Variants in MAGI3 observed in about 807,000 individuals in gnomAD.
MAGI3 encodes the protein membrane associated guanylate kinase, WW and PDZ domain containing 3, also known as membrane-associated guanylate kinase, WW and PDZ domain-containing protein 3.
MAGI3 carries 43 observed loss-of-function variants against 121.8 expected under a neutral mutation model. The observed-to-expected ratio is 0.35, with a 90% CI of 0.28 to 0.46. MAGI3 has a LOEUF of 0.46. Ranked by LOEUF, MAGI3 falls within the 20% of genes least tolerant of loss-of-function variation. The pLI, the probability that MAGI3 is intolerant of heterozygous loss-of-function variation, is 1.00. For synonymous variants in MAGI3, 553 were observed against 639.3 expected (o/e 0.86, Z 2.04); for missense variants, 1,547 against 1,797.3 (o/e 0.86, Z 2.52).
At chr1:113,653,139 CCT>C (rs1653266831) in intron 14 of MAGI3, among the ~76,000 whole-genome samples, 1 of 152,190 alleles carries the variant, frequency 6.6e-6, no homozygotes, top group Admixed American at 6.5e-5. Flanking sequence ...GATGCTTTAA[CCT>C]CTAAGACAGA....
chr1:113,402,924 G>A (rs1329328062), intron 1 of MAGI3, among the ~76,000 whole-genome samples: 1 of 152,158 alleles, frequency 6.6e-6, no homozygotes, highest in African/African-American at 2.4e-5. Flanking sequence ...GTAGACTAAT[G>A]GGAATGATGG....
In MAGI3 at chr1:113,658,092, T is replaced by TC. The variant is rs1047967482; in HGVS notation, c.2630-987dup. ...TATGAATTATCCCTATTCAAATCAG[T>TC]CAGTAGTCAGCAGGAGCCCACATAC... is the stretch of plus-strand genomic sequence containing the variant. On this transcript the variant is annotated intron_variant, in intron 15 of 20. Coordinates refer to ENST00000307546, the MANE Select transcript of MAGI3 (RefSeq NM_001142782.2). This position sits in a 1 kb window ranked among gnomAD's most constrained non-coding sequence, Gnocchi z 4.0. Among the ~76,000 whole-genome samples, 3 of 152,312 alleles carry TC rather than the reference T, an allele frequency of 2.0e-5. No homozygotes were observed. In the East Asian group the frequency reaches 5.8e-4, roughly 29 times the overall value.
intron 6 of MAGI3, among the ~76,000 whole-genome samples, chr1:113,611,286 C>T (rs1650118570): frequency 6.6e-6 from 1 of 151,986 alleles, no homozygotes; most frequent in African/African-American, 2.4e-5. Context: ...AGGGGTTTCA[C>T]CATGTTGCTC....
At chr1:113,572,807 G>A (rs1647383192) in intron 2 of MAGI3, among the ~76,000 whole-genome samples, 1 of 151,852 alleles carries the variant, frequency 6.6e-6, no homozygotes, top group Non-Finnish European at 1.5e-5. Context: ...ATTCTGGCTA[G>A]TTGCCTGTTT....
Position 113,605,681 on chromosome 1 carries a change from C to A in MAGI3, c.1019-8920C>A, listed in dbSNP as rs1028016485. ...GTGGCGCAATCTTGGATCACTGCAA[C>A]CTCTGCCTCCTGGGTTCAAGCGATT... On this transcript the variant is annotated intron_variant, in intron 6 of 20. Transcript: ENST00000307546. Among the ~76,000 whole-genome samples the A allele has an allele frequency of 2.0e-5, 3 of 152,102 alleles. No homozygotes were observed. The South Asian group carries it at 6.2e-4, about 32-fold the overall frequency.
intron 1 of MAGI3, among the ~76,000 whole-genome samples, chr1:113,444,728 C>A (rs1387291072): frequency 5.9e-5 from 9 of 152,178 alleles, no homozygotes; most frequent in Non-Finnish European, 1.2e-4. Flanking sequence ...AAGTATGGCT[C>A]ATTCCAAGGA....
chr1:113,635,736 C>T (rs1466149541), intron 9 of MAGI3, among the ~76,000 whole-genome samples: 3 of 152,128 alleles, frequency 2.0e-5, no homozygotes, highest in Non-Finnish European at 4.4e-5. Context: ...TGATGCTGGC[C>T]TCATAAAATG....
chr1:113,424,905 G>A (rs1652919979), intron 1 of MAGI3, among the ~76,000 whole-genome samples: 1 of 152,068 alleles, frequency 6.6e-6, no homozygotes, highest in Non-Finnish European at 1.5e-5. Context: ...GGGCCAAGGT[G>A]GGTGGATCAC....
At chr1:113,460,985 G>T (rs183313604) in intron 1 of MAGI3, among the ~76,000 whole-genome samples, 7 of 152,180 alleles carry the variant, frequency 4.6e-5, no homozygotes, top group Admixed American at 2.0e-4. Flanking sequence ...ATTCCCAGTT[G>T]CCACAAAAAG....
intron 15 of MAGI3, among the ~76,000 whole-genome samples, chr1:113,655,789 A>G (rs375542208): frequency 3.3e-5 from 5 of 152,134 alleles, no homozygotes; most frequent in South Asian, 2.1e-4. Context: ...GATGATAGAG[A>G]CACTCCCTGT....
chr1:113,619,864 T>C (rs781236048), intron 8 of MAGI3, 34 bp downstream of exon 8: 1 of 1,475,114 alleles, frequency 6.8e-7, no homozygotes, highest in South Asian at 1.2e-5. Context: ...CTTCTAAGAA[T>C]AACTTGTGAA....
chr1:113,398,137 T>C (rs1312181588), intron 1 of MAGI3, among the ~76,000 whole-genome samples: 5 of 152,094 alleles, frequency 3.3e-5, no homozygotes, highest in Admixed American at 2.6e-4. Flanking sequence ...CATCCCAACA[T>C]GGCCAGGGGA....
At chr1:113,450,102 G>T (rs750915664) in intron 1 of MAGI3, 27 of 1,464,416 alleles carry the variant, frequency 1.8e-5, no homozygotes, top group Non-Finnish European at 2.5e-5. Context: ...AACCATAGAA[G>T]TTACGGAAGA....
At chr1:113,634,555 C>T (rs1271569725) in intron 9 of MAGI3, among the ~76,000 whole-genome samples, 5 of 152,176 alleles carry the variant, frequency 3.3e-5, no homozygotes, top group South Asian at 4.1e-4. Flanking sequence ...AGATGTGCGG[C>T]GTTATTTCTG....
At chr1:113,672,936 G>A (rs139958528) in intron 18 of MAGI3, among the ~76,000 whole-genome samples, 195 bp downstream of exon 18, 1 of 152,368 alleles carries the variant, frequency 6.6e-6, no homozygotes, top group African/African-American at 2.4e-5. Context: ...TTCCCCTACA[G>A]CAGGAGAGCT....
intron 1 of MAGI3, among the ~76,000 whole-genome samples, chr1:113,433,031 A>G (rs533256934): frequency 2.3e-4 from 35 of 152,276 alleles, no homozygotes; most frequent in African/African-American, 8.4e-4. Context: ...ATAATAATAA[A>G]TAAACATTAT....
chr1:113,539,887 T>C (rs780026537), intron 1 of MAGI3, among the ~76,000 whole-genome samples: 15 of 151,938 alleles, frequency 9.9e-5, no homozygotes, highest in Non-Finnish European at 2.1e-4. Flanking sequence ...CTCCCTGGCT[T>C]AGGTGATCCT....
rs973336333 is a variant in MAGI3 at position 113,658,364 on chromosome 1, T to C, written c.2630-716T>C. ...AGAGCTACACAGAGCATCTTTGCAA[T>C]TGTATTAGACTCAGCTTTGTGTATT... On this transcript the variant is annotated intron_variant, in intron 15 of 20. Coordinates refer to ENST00000307546, the MANE Select transcript of MAGI3 (RefSeq NM_001142782.2). This position sits in a 1 kb window ranked among gnomAD's most constrained non-coding sequence, Gnocchi z 4.0. Among the ~76,000 whole-genome samples the C allele has an allele frequency of 2.0e-5, 3 of 152,254 alleles. No individual in the cohort carries two copies. The highest frequency in any genetic ancestry group is 6.5e-5 in the Admixed American group (1 of 15,290).
chr1:113,517,216 AC>A (rs1352065498), intron 1 of MAGI3, among the ~76,000 whole-genome samples: 1 of 151,986 alleles, frequency 6.6e-6, no homozygotes, highest in African/African-American at 2.4e-5. Flanking sequence ...TGAAAAATAT[AC>A]CATAGTAATA....
Sources: allele counts gnomAD v4.1 joint callset (sites outside exome capture counted in the v4.1 genomes callset), GRCh38; gene constraint gnomAD v4.1.1; non-coding constraint Gnocchi (gnomAD v3.1); transcripts MANE v1.5; gene names NCBI Gene and HGNC (gene_info 2026-07-23, HGNC 2026-07-21).